Variants in TTC19 observed in about 807,000 individuals in gnomAD.
TTC19 encodes the protein tetratricopeptide repeat domain 19.
A neutral mutation model predicts 49.5 loss-of-function variants in TTC19; 38 were observed. The ratio of observed to expected loss-of-function variants is 0.77; its 90% CI spans 0.59 to 1.01. TTC19 has a LOEUF of 1.01. TTC19 is among the 50% of genes least tolerant of loss of function. The pLI is 0.00. For missense variants in TTC19, 475 were observed against 477.7 expected (o/e 0.99, Z 0.05); for synonymous variants, 204 against 185.2 (o/e 1.10, Z -0.83).
At chr17:16,034,172 T>C (rs185885565), downstream of TTC19, among the ~76,000 whole-genome samples, 5 of 152,340 alleles carry the variant, frequency 3.3e-5, no homozygotes, top group African/African-American at 4.8e-5. Flanking sequence ...TTGCAAATAG[T>C]CAATGTTCGC....
Position 16,025,076 on chromosome 17 carries a change from T to C in TTC19, c.736T>C (p.Tyr246His). ...CATGTGCTTAGACGCCTGTGCTCGC[T>C]ACCTTCTGTTCTCCAAGCAGCCGTC... ...LGMCLDACAR[Y>H]LLFSKQPSQA... The change falls in exon 8 of 10, where the codon TAC becomes CAC. Residue 246 changes from tyrosine to histidine, a missense_variant. By Grantham distance (83) the Tyr-to-His change is moderately conservative (BLOSUM62 2). Coordinates refer to ENST00000261647, the MANE Select transcript of TTC19 (RefSeq NM_017775.4). 4 of 1,613,966 alleles carry C rather than the reference T, an allele frequency of 2.5e-6. No individual in the cohort carries two copies. The highest frequency in any genetic ancestry group is 3.4e-6 in the Non-Finnish European group (4 of 1,179,850).
rs768239426 is a variant in TTC19, at chr17:16,026,627, G to A, written c.919G>A (p.Asp307Asn). 1.4e-5 allele frequency: 23 copies of A among 1,614,068 alleles called. No individual in the cohort carries two copies. In the South Asian group the frequency reaches 2.3e-4, roughly 16 times the overall value. Residue 307 changes from aspartate to asparagine, a missense_variant, in exon 9 of 10, where the codon GAT becomes AAT. Physicochemically the swap from Asp to Asn is conservative, Grantham distance 23. Transcript: ENST00000261647. ...CTATATTTATATGCAAAGGGCATCA[G>A]ATCTGGCAAGACAGATAAATCATCC... ...EAYIYMQRAS[D>N]LARQINHPEL...
intron 7 of TTC19, among the ~76,000 whole-genome samples, chr17:16,021,359 G>C (rs928982519): frequency 6.6e-6 from 1 of 152,214 alleles, no homozygotes. Flanking sequence ...CTGCACTGCA[G>C]CCTGGGCGAC....
Position 16,000,225 on chromosome 17 carries a change from C to T in TTC19, c.292C>T (p.Gln98Ter). 3 of 1,595,248 alleles carry T rather than the reference C, an allele frequency of 1.9e-6. No homozygotes were observed. Among genetic ancestry groups the T allele is most frequent in the Non-Finnish European group, 2.5e-6 (3 of 1,179,174 alleles). Residue 98 changes from glutamine (Q) to a stop codon, truncating the protein, a stop_gained, in exon 2 of 10, where the codon CAG becomes TAG. Coordinates refer to ENST00000261647, the MANE Select transcript of TTC19 (RefSeq NM_017775.4). LOFTEE classifies it high-confidence loss of function. ...GGACGAGGCCGAGGCAGAGATCATC[C>T]AGCTGCTGAAGCGAGCCAAGGTGAG... ...GADEAEAEII[Q>*]LLKRAKLSIM...
chr17:16,001,657 T>A (rs372665153), intron 2 of TTC19, among the ~76,000 whole-genome samples: 1 of 152,232 alleles, frequency 6.6e-6, no homozygotes, highest in African/African-American at 2.4e-5. Context: ...TTATAAAATA[T>A]GTTGTAAGAT....
In TTC19 at chr17:16,000,133, C is replaced by T. The variant is rs1198487870; in HGVS notation, c.200C>T (p.Ser67Leu). The T allele has an allele frequency of 6.4e-6, 10 of 1,571,900 alleles. No homozygotes were observed. The highest frequency in any genetic ancestry group is 8.6e-6 in the Non-Finnish European group (10 of 1,167,392). ...CTTCCCGCAGCGCTCGCCTGGTTCT[C>T]GAGGCCCGCTGCGGCAGAGGAGGAG... ...LPLLAALAWF[S>L]RPAAAEEEEQ... Residue 67 changes from serine to leucine, a missense_variant, in exon 2 of 10, where the codon TCG (serine) becomes TTG (leucine). Ser to Leu is a moderately radical substitution (Grantham distance 145). Transcript: ENST00000261647.
At chr17:16,006,829 T>C (rs1175111390) in intron 7 of TTC19, among the ~76,000 whole-genome samples, 1 of 152,136 alleles carries the variant, frequency 6.6e-6, no homozygotes, top group African/African-American at 2.4e-5. Flanking sequence ...TAGTTACATA[T>C]AACTTAAGGA....
At chr17:16,003,422 CTTATTTAT>C (rs149202647) in intron 4 of TTC19, among the ~76,000 whole-genome samples, 2,976 of 148,626 alleles carry the variant, frequency 0.02, 109 homozygotes, top group African/African-American at 0.069. Flanking sequence ...GGCTAATTTT[CTTATTTAT>C]TTATTTATTT....
intron 7 of TTC19, among the ~76,000 whole-genome samples, chr17:16,013,482 T>A (rs1971134430): frequency 6.6e-6 from 1 of 152,200 alleles, no homozygotes; most frequent in Admixed American, 6.5e-5. Context: ...TCTTTCCTTA[T>A]AATTTTCTAT....
chr17:16,032,549 T>C (rs763534288), downstream of TTC19: 3 of 1,430,964 alleles, frequency 2.1e-6, no homozygotes, highest in South Asian at 2.8e-5. Context: ...AATCCAACTT[T>C]TGTAGGATGG....
At chr17:16,007,165 AGTG>A (rs1428334526) in intron 7 of TTC19, among the ~76,000 whole-genome samples, 6 of 152,188 alleles carry the variant, frequency 3.9e-5, no homozygotes, top group Non-Finnish European at 8.8e-5. Context: ...TTCTGTACCT[AGTG>A]GTCTTCTAAC....
intron 7 of TTC19, among the ~76,000 whole-genome samples, chr17:16,020,753 A>G (rs895324067): frequency 1.3e-5 from 2 of 152,064 alleles, no homozygotes; most frequent in East Asian, 1.9e-4. Context: ...GCTCACTGCA[A>G]CCTTAAACTC....
intron 7 of TTC19, among the ~76,000 whole-genome samples, chr17:16,010,460 C>T (rs1207774378): frequency 1.3e-5 from 2 of 150,670 alleles, no homozygotes; most frequent in East Asian, 3.9e-4. Flanking sequence ...GTGTGAGCCA[C>T]CGCACTTGGC....
At chr17:16,024,195 T>G (rs1333449098) in intron 7 of TTC19, 1 of 152,242 alleles carries the variant, frequency 6.6e-6, no homozygotes, top group Admixed American at 6.5e-5. Context: ...AGACATCGTA[T>G]AGTCAATTCT....
At chr17:16,029,426 G>A, downstream of TTC19, 1 of 283,932 alleles carries the variant, frequency 3.5e-6, no homozygotes, top group South Asian at 3.3e-5. Flanking sequence ...GGAGTTTTCT[G>A]GGCATAAATA....
chr17:16,004,068 T>G lies in TTC19; in HGVS notation c.520-133T>G. On this transcript the variant is annotated intron_variant, in intron 5 of 9. Transcript: ENST00000261647. ...TGCAACAGCATGCTTGCCAAGGAAT[T>G]CACAGTTGGCTCATCACTCTAAAAG... 2.7e-6 allele frequency: 3 copies of G among 1,126,328 alleles called. No homozygotes were observed. In the South Asian group the frequency reaches 3.7e-5, roughly 14 times the overall value. The allele number at this position is 1,126,328 out of a possible 1,614,324, so 69.8% of individuals were successfully genotyped here. A position where few individuals can be genotyped will look rare whatever the true frequency, so the allele number is the denominator to read the frequency against.
intron 7 of TTC19, among the ~76,000 whole-genome samples, chr17:16,007,121 G>A (rs1970933823): frequency 6.6e-6 from 1 of 152,110 alleles, no homozygotes; most frequent in Non-Finnish European, 1.5e-5. Flanking sequence ...TATACCAAGA[G>A]CTACCGAGAT....
chr17:16,037,411 T>TA (rs36077553), intron 2 of TTC19, among the ~76,000 whole-genome samples: 32 of 147,030 alleles, frequency 2.2e-4, no homozygotes, highest in African/African-American at 3.0e-4. Context: ...AACCTTCAGT[T>TA]AAAAAAAAAA....
chr17:16,006,182 G>A (rs1362838255), intron 6 of TTC19, among the ~76,000 whole-genome samples: 1 of 152,194 alleles, frequency 6.6e-6, no homozygotes. Flanking sequence ...GGCCGAGGTG[G>A]GTGGATCACT....
Sources: gnomAD v4.1 joint callset for allele counts (sites outside exome capture counted in the v4.1 genomes callset) on GRCh38, gnomAD v4.1.1 for gene constraint, MANE v1.5 for transcripts, NCBI Gene and HGNC (gene_info 2026-07-23, HGNC 2026-07-21) for gene names.